Variants in CDK14 observed in about 807,000 individuals in gnomAD.
The protein encoded by CDK14 is cyclin-dependent kinase 14.
In CDK14, 34 loss-of-function variants were observed where a neutral mutation model predicts 60.7. The ratio of observed to expected loss-of-function variants is 0.56; its 90% CI spans 0.43 to 0.75. The LOEUF is 0.75. Ranked by LOEUF, CDK14 falls within the 30% of genes least tolerant of loss-of-function variation. CDK14 has a pLI of 0.00. For missense variants in CDK14, 482 were observed against 564.1 expected (o/e 0.85, Z 1.47); for synonymous variants, 197 against 203.7 (o/e 0.97, Z 0.28).
chr7:90,928,373 G>A (rs940062402), intron 8 of CDK14, among the ~76,000 whole-genome samples: 2 of 152,258 alleles, frequency 1.3e-5, no homozygotes, highest in African/African-American at 4.8e-5. Context: ...TTTGGTCTTT[G>A]ATGATGGTGA....
At chr7:90,701,265 A>T (rs1032214675) in intron 2 of CDK14, among the ~76,000 whole-genome samples, 1 of 152,154 alleles carries the variant, frequency 6.6e-6, no homozygotes, top group Non-Finnish European at 1.5e-5. Context: ...TTTATTTCCC[A>T]TTAGGTACTG....
intron 14 of CDK14, among the ~76,000 whole-genome samples, chr7:91,138,062 G>T (rs1353415812): frequency 2.0e-5 from 3 of 152,122 alleles, no homozygotes; most frequent in Admixed American, 1.3e-4. Context: ...TTTTGATAAG[G>T]TTTAATTAAA....
intron 9 of CDK14, among the ~76,000 whole-genome samples, chr7:90,956,689 G>A (rs1446422564): frequency 1.3e-5 from 2 of 151,904 alleles, no homozygotes; most frequent in South Asian, 2.1e-4. Context: ...ATGTATACGT[G>A]TGCCATGCTG....
intron 6 of CDK14, among the ~76,000 whole-genome samples, chr7:90,898,334 C>T (rs550906766): frequency 1.3e-5 from 2 of 152,136 alleles, no homozygotes; most frequent in South Asian, 4.2e-4. Context: ...TGCATTGTAT[C>T]CTCAGCAATT....
chr7:90,774,233 A>ATG (rs1188578171), intron 4 of CDK14, among the ~76,000 whole-genome samples: 1 of 152,148 alleles, frequency 6.6e-6, no homozygotes, highest in East Asian at 1.9e-4. Context: ...CCAGTTATAT[A>ATG]TAACGCTTAG....
At chr7:91,043,072 A>G (rs1028605182) in intron 10 of CDK14, among the ~76,000 whole-genome samples, 2 of 152,228 alleles carry the variant, frequency 1.3e-5, no homozygotes, top group African/African-American at 2.4e-5. Context: ...TGGAATCTCA[A>G]TAGTTAAGCC....
rs1441103824 is a variant in CDK14, at chr7:90,744,811, G to C, written c.370-2870G>C. Among the ~76,000 whole-genome samples the C allele has an allele frequency of 7.0e-5, 7 of 100,170 alleles. 1 individual carries two copies. Among genetic ancestry groups the C allele is most frequent in the African/African-American group, 1.9e-4 (5 of 26,528 alleles). 65.7% of individuals were successfully genotyped at this position (100,170 alleles called of 152,430 possible). On this transcript the variant is annotated intron_variant, in intron 3 of 14. Coordinates refer to ENST00000380050, the MANE Select transcript of CDK14 (RefSeq NM_001287135.2). ...GCCGGACGGGGCGGCTGGCCGGGCG[G>C]GGGGCTGACGCCCCCACCTCCCTCC...
intron 14 of CDK14, among the ~76,000 whole-genome samples, chr7:91,130,629 A>G (rs1442199161): frequency 1.3e-5 from 2 of 152,150 alleles, no homozygotes; most frequent in Non-Finnish European, 1.5e-5. Context: ...TCTCGATTTA[A>G]TATCTCAATT....
At chr7:91,010,829 C>CGTCCTTCCTTCCTTCCTTCT (rs1796135015) in intron 10 of CDK14, among the ~76,000 whole-genome samples, 1 of 74,822 alleles carries the variant, frequency 1.3e-5, no homozygotes, top group African/African-American at 5.2e-5. Context: ...TCCTTCCTTC[C>CGTCCTTCCTTCCTTCCTTCT]TTCCTCCCTC....
chr7:90,851,269 G>A (rs573066078), intron 5 of CDK14, among the ~76,000 whole-genome samples: 1 of 152,112 alleles, frequency 6.6e-6, no homozygotes, highest in South Asian at 2.1e-4. Context: ...GGTTATTTCA[G>A]TTGTGCATGG....
intron 14 of CDK14, among the ~76,000 whole-genome samples, chr7:91,154,818 G>A (rs1185721878): frequency 6.6e-6 from 1 of 152,152 alleles, no homozygotes; most frequent in East Asian, 1.9e-4. Context: ...AAATTAATGA[G>A]AAGAAAGATA....
chr7:90,620,746 A>G (rs1046703301), intron 2 of CDK14, among the ~76,000 whole-genome samples: 12 of 152,182 alleles, frequency 7.9e-5, no homozygotes. Context: ...GCCATCCTCC[A>G]CATGAGTCCT....
At chr7:90,689,472 G>A (rs1458375809) in intron 2 of CDK14, among the ~76,000 whole-genome samples, 1 of 152,116 alleles carries the variant, frequency 6.6e-6, no homozygotes, top group African/African-American at 2.4e-5. Flanking sequence ...GATAAAAGAG[G>A]AAGGGCATGA....
In CDK14 at chr7:91,184,315, A is replaced by G. The variant is rs529972852; in HGVS notation, c.*29-22850A>G. On this transcript the variant is annotated intron_variant, in intron 14 of 14. Coordinates refer to ENST00000380050, the MANE Select transcript of CDK14 (RefSeq NM_001287135.2). ...AAAAAGAACTCCTTAAGAAGCTTCC[A>G]CAGTCTTAAGGTAGAAATATGTAAG... Among the ~76,000 whole-genome samples, 878 of 151,388 alleles carry G rather than the reference A, an allele frequency of 5.8e-3. 5 individuals are homozygous for G. The highest frequency in any genetic ancestry group is 0.021 in the Middle Eastern group (6 of 292).
chr7:90,926,305 CCCA>C (rs1793413227), intron 8 of CDK14, among the ~76,000 whole-genome samples: 1 of 151,138 alleles, frequency 6.6e-6, no homozygotes. Context: ...TGTTCCCAAC[CCCA>C]CGAGTCTTGA....
At chr7:90,794,826 A>G (rs143181719) in intron 5 of CDK14, among the ~76,000 whole-genome samples, 1,957 of 152,348 alleles carry the variant, frequency 0.013, 58 homozygotes, top group African/African-American at 0.045. Flanking sequence ...TGATTGGGGA[A>G]GTGATAAGTG....
At chr7:90,933,918 T>G (rs1793674469) in intron 8 of CDK14, among the ~76,000 whole-genome samples, 1 of 152,198 alleles carries the variant, frequency 6.6e-6, no homozygotes, top group Non-Finnish European at 1.5e-5. Flanking sequence ...CAGATGGCAA[T>G]TATTTGATTA....
chr7:91,038,750 G>T (rs1797001421), intron 10 of CDK14, among the ~76,000 whole-genome samples: 1 of 152,328 alleles, frequency 6.6e-6, no homozygotes, highest in East Asian at 1.9e-4. Flanking sequence ...AATTATGGGG[G>T]TGGGTAATAT....
intron 6 of CDK14, among the ~76,000 whole-genome samples, chr7:90,877,038 G>T (rs1407168826): frequency 6.6e-6 from 1 of 152,090 alleles, no homozygotes; most frequent in Admixed American, 6.5e-5. Flanking sequence ...CAATTGGCTG[G>T]TTAGTTGTTG....
Sources: gnomAD v4.1 joint callset for allele counts (sites outside exome capture counted in the v4.1 genomes callset) on GRCh38, gnomAD v4.1.1 for gene constraint, MANE v1.5 for transcripts, NCBI Gene and HGNC (gene_info 2026-07-23, HGNC 2026-07-21) for gene names.